The following CALN1 variants were observed in gnomAD, a reference collection of about 807,000 sequenced individuals.
CALN1 encodes calneuron 1.
A neutral mutation model predicts 30.6 loss-of-function variants in CALN1; 17 were observed. That is an observed-to-expected ratio of 0.56 (90% CI 0.38 to 0.83). The LOEUF (loss-of-function observed/expected upper bound fraction) is 0.83, where lower values mean the gene tolerates loss of function less well. Among genes scored for constraint, CALN1 ranks in the 40% least tolerant of loss-of-function variants. The pLI, the probability that CALN1 is intolerant of heterozygous loss-of-function variation, is 0.00. For missense variants in CALN1, 291 were observed against 354.9 expected, an observed-to-expected ratio of 0.82 and a Z score of 1.45; for synonymous variants, 156 against 131.4, an observed-to-expected ratio of 1.19 and a Z score of -1.28.
At chr7:72,198,843 G>C (rs1025042025) in intron 3 of CALN1, among the ~76,000 whole-genome samples, 1 of 152,202 alleles carries the variant, frequency 6.6e-6, no homozygotes, top group Non-Finnish European at 1.5e-5. Context: ...TTAACACTGG[G>C]AAAGGGCTAC....
chr7:72,012,630 A>T (rs1361849137), intron 5 of CALN1, among the ~76,000 whole-genome samples: 8 of 152,214 alleles, frequency 5.3e-5, no homozygotes, highest in Non-Finnish European at 1.2e-4. Context: ...TAAGGCTGGT[A>T]TGTGGAGAGC....
chr7:71,886,725 A>G (rs538993912), intron 5 of CALN1, among the ~76,000 whole-genome samples: 1 of 150,996 alleles, frequency 6.6e-6, no homozygotes, highest in South Asian at 2.1e-4. Context: ...GTGAGCAGAG[A>G]TCGCACCACT....
At chr7:72,407,618 C>T (rs1562954685) in intron 1 of CALN1, among the ~76,000 whole-genome samples, 1 of 152,190 alleles carries the variant, frequency 6.6e-6, no homozygotes, top group African/African-American at 2.4e-5. Flanking sequence ...GAGGCCTCCC[C>T]AGCCATGCTT....
chr7:72,153,775 C>G (rs1003162949), intron 3 of CALN1, among the ~76,000 whole-genome samples: 4 of 152,180 alleles, frequency 2.6e-5, no homozygotes, highest in African/African-American at 9.7e-5. Flanking sequence ...CCTTTCATCG[C>G]AGGACATCCA....
chr7:72,407,212 C>G (rs1806759692), intron 1 of CALN1, among the ~76,000 whole-genome samples: 1 of 152,178 alleles, frequency 6.6e-6, no homozygotes, highest in Non-Finnish European at 1.5e-5. Flanking sequence ...TGACCTTGGG[C>G]AAGTGACTTA....
chr7:72,396,305 C>T (rs533940535), intron 2 of CALN1, among the ~76,000 whole-genome samples: 1 of 146,062 alleles, frequency 6.8e-6, no homozygotes, highest in Admixed American at 6.9e-5. Context: ...CACCTGTAAT[C>T]CCAGCTACTC....
chr7:71,810,246 G>A (rs1787868948), intron 6 of CALN1, 90 bp downstream of exon 6: 16 of 1,404,634 alleles, frequency 1.1e-5, no homozygotes, highest in East Asian at 9.4e-5. Flanking sequence ...ATCAGCCCAA[G>A]AGCCTGTGTG....
At chr7:72,385,416 G>A (rs1040823514) in intron 2 of CALN1, among the ~76,000 whole-genome samples, 1 of 152,056 alleles carries the variant, frequency 6.6e-6, no homozygotes, top group Non-Finnish European at 1.5e-5. Flanking sequence ...TTTAATAAGT[G>A]AACGGATAAC....
intron 1 of CALN1, among the ~76,000 whole-genome samples, chr7:72,433,280 C>T (rs1808035372): frequency 6.6e-6 from 1 of 152,162 alleles, no homozygotes; most frequent in African/African-American, 2.4e-5. Flanking sequence ...AACAAGAGAA[C>T]ACATCCACAA....
At chr7:71,883,466 G>A (rs751645804) in intron 5 of CALN1, among the ~76,000 whole-genome samples, 3 of 152,094 alleles carry the variant, frequency 2.0e-5, no homozygotes, top group Non-Finnish European at 2.9e-5. Context: ...AAGTCACTCC[G>A]TTTCTCTTCT....
At chr7:72,052,536 G>A (rs1283418598) in intron 4 of CALN1, among the ~76,000 whole-genome samples, 3 of 152,132 alleles carry the variant, frequency 2.0e-5, no homozygotes, top group Non-Finnish European at 4.4e-5. Flanking sequence ...CCTGCTCCTG[G>A]GTGGGATGTA....
At chr7:72,052,121 G>C (rs1441901651) in intron 4 of CALN1, among the ~76,000 whole-genome samples, 1 of 152,012 alleles carries the variant, frequency 6.6e-6, no homozygotes, top group Non-Finnish European at 1.5e-5. Flanking sequence ...TGTCTATCTA[G>C]AAAAAAAGAA....
At chr7:72,036,321 CTCTT>C (rs1801796858) in intron 4 of CALN1, among the ~76,000 whole-genome samples, 2 of 152,146 alleles carry the variant, frequency 1.3e-5, no homozygotes, top group South Asian at 2.1e-4. Context: ...TGCTGTGGGT[CTCTT>C]TGAGTTCATC....
chr7:72,359,531 T>C lies in CALN1; in HGVS notation c.119+43720A>G, dbSNP rs58239072. On this transcript the variant is annotated intron_variant, in intron 2 of 6. Transcript: ENST00000395275. Reference sequence around the variant, plus strand: ...GGTCACATGTACATATAGTGAGGTATAGGATATGCAGGCACCACGTGCCTC... The same window carrying C: ...GGTCACATGTACATATAGTGAGGTACAGGATATGCAGGCACCACGTGCCTC... 4.5e-3 allele frequency among the ~76,000 whole-genome samples: 690 copies of C among 152,280 alleles called. 5 individuals carry two copies. The highest frequency in any genetic ancestry group is 0.016 in the African/African-American group (645 of 41,546).
chr7:72,280,956 A>G (rs1797696809), intron 2 of CALN1, among the ~76,000 whole-genome samples: 1 of 152,100 alleles, frequency 6.6e-6, no homozygotes, highest in Admixed American at 6.5e-5. Context: ...CAGCCTGGCC[A>G]ACATGGTGAA....
chr7:72,097,165 G>A (rs534347738), intron 4 of CALN1, among the ~76,000 whole-genome samples: 17 of 152,194 alleles, frequency 1.1e-4, no homozygotes, highest in Admixed American at 4.6e-4. Flanking sequence ...GTCGTGGGGT[G>A]GGGGGAGAGG....
Position 71,991,116 on chromosome 7 carries a change from A to T in CALN1, c.501+32541T>A, listed in dbSNP as rs182146950. Among the ~76,000 whole-genome samples, 83 of 152,278 alleles carry T rather than the reference A, an allele frequency of 5.5e-4. No individual in the cohort carries two copies. In the Middle Eastern group the frequency reaches 0.01, roughly 19 times the overall value. On this transcript the variant is annotated intron_variant, in intron 5 of 6. Transcript: ENST00000395275. ...AATTCGATGTGTTGCACAGGAGAAAACCATAAGGCTGAGTAAGAACAAAAC... is the reference window on the plus strand; with the variant it reads ...AATTCGATGTGTTGCACAGGAGAAATCCATAAGGCTGAGTAAGAACAAAAC...
chr7:71,920,425 T>C, intron 5 of CALN1, among the ~76,000 whole-genome samples: 1 of 140,916 alleles, frequency 7.1e-6, no homozygotes, highest in East Asian at 2.4e-4. Context: ...AAGCTCTGCC[T>C]CCCAGATTCA....
At chr7:72,442,200 A>G (rs1299702634) in intron 1 of CALN1, among the ~76,000 whole-genome samples, 2 of 151,890 alleles carry the variant, frequency 1.3e-5, no homozygotes, top group African/African-American at 4.8e-5. Context: ...TTAAATGTTC[A>G]CCTCCTAGCT....
Sources: gnomAD v4.1 joint callset for allele counts (sites outside exome capture counted in the v4.1 genomes callset) on GRCh38, gnomAD v4.1.1 for gene constraint, MANE v1.5 for transcripts, NCBI Gene and HGNC (gene_info 2026-07-23, HGNC 2026-07-21) for gene names.